ARHGAP24: variants seen among roughly 807,000 people sequenced by gnomAD.
The protein encoded by ARHGAP24 is Rho GTPase activating protein 24, also known as rho GTPase-activating protein 24.
In ARHGAP24, 50 loss-of-function variants were observed where a neutral mutation model predicts 76.4. That is an observed-to-expected ratio of 0.65 (90% CI 0.52 to 0.83). The LOEUF is 0.83. ARHGAP24 is among the 40% of genes least tolerant of loss of function. The pLI, the probability that ARHGAP24 is intolerant of heterozygous loss-of-function variation, is 0.00. For synonymous variants in ARHGAP24, 345 were observed against 323.3 expected, an observed-to-expected ratio of 1.07 and a Z score of -0.72; for missense variants, 930 against 914.2, an observed-to-expected ratio of 1.02 and a Z score of -0.22.
At chr4:85,836,149 G>A (rs992867259) in intron 3 of ARHGAP24, among the ~76,000 whole-genome samples, 1 of 152,118 alleles carries the variant, frequency 6.6e-6, no homozygotes, top group Non-Finnish European at 1.5e-5. Flanking sequence ...TCTGGGTATG[G>A]GATGTTGTGT....
intron 1 of ARHGAP24, among the ~76,000 whole-genome samples, chr4:85,519,287 A>G (rs1724645967): frequency 6.6e-6 from 1 of 151,994 alleles, no homozygotes; most frequent in Non-Finnish European, 1.5e-5. Context: ...CCATTGTTCT[A>G]TATATTTACT....
Position 85,705,314 on chromosome 4 carries a change from T to C in ARHGAP24, c.181-16571T>C, listed in dbSNP as rs555031516. On this transcript the variant is annotated intron_variant, in intron 2 of 9. Coordinates refer to ENST00000395184, the MANE Select transcript of ARHGAP24 (RefSeq NM_001025616.3). ...CAGATACTATATTTTAAATTTTAAT[T>C]TTTTGACTCTAACAAGAAAATTTAA... Among the ~76,000 whole-genome samples, 4 of 152,254 alleles carry C rather than the reference T, an allele frequency of 2.6e-5. No individual in the cohort carries two copies. In the South Asian group the frequency reaches 8.3e-4, roughly 32 times the overall value.
At chr4:85,915,554 A>T (rs1735335845) in intron 3 of ARHGAP24, among the ~76,000 whole-genome samples, 2 of 152,092 alleles carry the variant, frequency 1.3e-5, no homozygotes, top group Non-Finnish European at 1.5e-5. Context: ...ATTGCTCTTA[A>T]TGCTATCCCT....
rs12512956 is a variant in ARHGAP24, at chr4:85,523,945, C to T, written c.-20-46577C>T. ...TTTCTTGCTGACTCTAAAATCTTGACGTGATTATACTGTGATGGGATTAAG... is the reference window on the plus strand; with the variant it reads ...TTTCTTGCTGACTCTAAAATCTTGATGTGATTATACTGTGATGGGATTAAG... On this transcript the variant is annotated intron_variant, in intron 1 of 9. Coordinates refer to ENST00000395184, the MANE Select transcript of ARHGAP24 (RefSeq NM_001025616.3). Among the ~76,000 whole-genome samples the T allele has an allele frequency of 4.1e-3, 624 of 152,100 alleles. 10 individuals carry two copies. The East Asian group carries it at 0.051, about 13-fold the overall frequency.
chr4:85,688,013 A>C (rs1190762367), intron 2 of ARHGAP24, among the ~76,000 whole-genome samples: 1 of 152,008 alleles, frequency 6.6e-6, no homozygotes, highest in Non-Finnish European at 1.5e-5. Context: ...GGGTTTCACC[A>C]TGTTGGCCAG....
chr4:85,730,472 T>C (rs1314899178), intron 3 of ARHGAP24, among the ~76,000 whole-genome samples: 1 of 152,210 alleles, frequency 6.6e-6, no homozygotes, highest in African/African-American at 2.4e-5. Context: ...AGTGGTGCAA[T>C]CACGGCTCAC....
At chr4:85,682,206 A>G (rs936074983) in intron 2 of ARHGAP24, among the ~76,000 whole-genome samples, 1 of 152,238 alleles carries the variant, frequency 6.6e-6, no homozygotes, top group Non-Finnish European at 1.5e-5. Flanking sequence ...GTTAAAAACA[A>G]AGATGTAAAG....
At chr4:85,667,431 C>G (rs1383010737) in intron 2 of ARHGAP24, among the ~76,000 whole-genome samples, 1 of 151,506 alleles carries the variant, frequency 6.6e-6, no homozygotes, top group African/African-American at 2.5e-5. Flanking sequence ...AAAGGGAACT[C>G]CCTGACCCCT....
At chr4:85,645,883 A>G (rs1721703103) in intron 2 of ARHGAP24, among the ~76,000 whole-genome samples, 1 of 152,118 alleles carries the variant, frequency 6.6e-6, no homozygotes, top group Non-Finnish European at 1.5e-5. Flanking sequence ...AATCAATATT[A>G]CAGAATAATG....
intron 2 of ARHGAP24, among the ~76,000 whole-genome samples, chr4:85,701,793 A>G (rs764877111): frequency 6.6e-6 from 1 of 152,122 alleles, no homozygotes; most frequent in Non-Finnish European, 1.5e-5. Context: ...TCATATATAG[A>G]TATGTGTGTA....
chr4:85,708,813 T>A (rs1724413537), intron 2 of ARHGAP24, among the ~76,000 whole-genome samples: 1 of 152,182 alleles, frequency 6.6e-6, no homozygotes, highest in South Asian at 2.1e-4. Context: ...TCTATTATCA[T>A]TTGACAAAAT....
At chr4:85,746,987 A>G (rs1003182536) in intron 3 of ARHGAP24, among the ~76,000 whole-genome samples, 3 of 152,178 alleles carry the variant, frequency 2.0e-5, no homozygotes, top group Non-Finnish European at 4.4e-5. Context: ...CCATTAATAC[A>G]GGACTTCAGG....
chr4:85,747,289 G>GA (rs1047672880), intron 3 of ARHGAP24, among the ~76,000 whole-genome samples: 5 of 151,984 alleles, frequency 3.3e-5, no homozygotes, highest in Admixed American at 6.6e-5. Flanking sequence ...TATAGCTTTT[G>GA]AAAAAAATCC....
intron 6 of ARHGAP24, among the ~76,000 whole-genome samples, chr4:85,973,929 G>A (rs1023306376): frequency 1.1e-4 from 15 of 136,446 alleles, no homozygotes; most frequent in Admixed American, 7.2e-4. Flanking sequence ...TGCAAGCTCC[G>A]CCTCCAGGGT....
intron 3 of ARHGAP24, among the ~76,000 whole-genome samples, chr4:85,838,366 G>A (rs1164648280): frequency 2.0e-5 from 3 of 152,220 alleles, no homozygotes; most frequent in African/African-American, 7.2e-5. Flanking sequence ...GGGAGGCTGA[G>A]GTGGGCAGAT....
At chr4:85,632,642 G>T (rs1020300039) in intron 2 of ARHGAP24, among the ~76,000 whole-genome samples, 1 of 149,734 alleles carries the variant, frequency 6.7e-6, no homozygotes, top group Non-Finnish European at 1.5e-5. Context: ...TTTCAGTTAA[G>T]AAGTATGCAG....
intron 1 of ARHGAP24, among the ~76,000 whole-genome samples, chr4:85,493,594 C>T (rs927459012): frequency 2.0e-5 from 3 of 152,132 alleles, no homozygotes; most frequent in Non-Finnish European, 2.9e-5. Context: ...CTCTTGTGCC[C>T]TTTCTTCATA....
At chr4:85,883,172 G>T (rs946609801) in intron 3 of ARHGAP24, among the ~76,000 whole-genome samples, 1 of 152,126 alleles carries the variant, frequency 6.6e-6, no homozygotes, top group Non-Finnish European at 1.5e-5. Context: ...GCAGAAGTTC[G>T]CATATAATGA....
intron 8 of ARHGAP24, among the ~76,000 whole-genome samples, chr4:85,993,132 C>T (rs1189271947): frequency 2.0e-5 from 3 of 152,134 alleles, no homozygotes; most frequent in Admixed American, 2.0e-4. Flanking sequence ...TTTGCATCTA[C>T]TACAGTGTTT....
Sources: gnomAD v4.1 joint callset for allele counts (sites outside exome capture counted in the v4.1 genomes callset) on GRCh38, gnomAD v4.1.1 for gene constraint, MANE v1.5 for transcripts, NCBI Gene and HGNC (gene_info 2026-07-23, HGNC 2026-07-21) for gene names.